Variants in ELP4 observed in about 807,000 individuals in gnomAD.
The protein encoded by ELP4 is elongator acetyltransferase complex subunit 4, also known as elongator complex protein 4.
ELP4 carries 51 observed loss-of-function variants against 48.9 expected under a neutral mutation model. The ratio of observed to expected loss-of-function variants is 1.04; its 90% CI spans 0.83 to 1.32. The LOEUF is 1.32. Ranked by LOEUF, ELP4 falls within the 40% of genes most tolerant of loss-of-function variation. The pLI is 0.00. For synonymous variants in ELP4, 210 were observed against 189.2 expected (o/e 1.11, Z -0.90); for missense variants, 519 against 514.6 (o/e 1.01, Z -0.08).
chr11:31,562,384 A>G (rs1256741663), intron 3 of ELP4, among the ~76,000 whole-genome samples: 3 of 152,194 alleles, frequency 2.0e-5, no homozygotes, highest in South Asian at 2.1e-4. Flanking sequence ...TTAATCAAGA[A>G]AAATGAAAGA....
chr11:31,543,474 C>T (rs1956628557), intron 3 of ELP4, among the ~76,000 whole-genome samples: 1 of 152,118 alleles, frequency 6.6e-6, no homozygotes, highest in Non-Finnish European at 1.5e-5. Context: ...CACCCACCAC[C>T]ATGTCCGGCT....
At chr11:31,584,279 G>T (rs922152634) in intron 3 of ELP4, among the ~76,000 whole-genome samples, 2 of 151,836 alleles carry the variant, frequency 1.3e-5, no homozygotes, top group African/African-American at 4.8e-5. Flanking sequence ...TGAGGATAGG[G>T]CTGTGGGGCA....
chr11:31,520,142 G>A lies in ELP4; in HGVS notation c.259+51G>A, dbSNP rs889136804. 7 of 1,484,110 alleles carry A rather than the reference G, an allele frequency of 4.7e-6. No homozygotes were observed. In the African/African-American group the frequency reaches 7.0e-5, roughly 15 times the overall value. 91.9% of individuals were successfully genotyped at this position (1,484,110 alleles called of 1,614,324 possible). On this transcript the variant is annotated intron_variant, in intron 2 of 9. Transcript: ENST00000640961. Reference sequence around the variant, plus strand: ...CTCCTCTATCATTGTTTTCTGTTGTGCATAATCATTTTATCCAATTCCCAT... The same window carrying A: ...CTCCTCTATCATTGTTTTCTGTTGTACATAATCATTTTATCCAATTCCCAT...
At chr11:31,662,342 A>T (rs997445482) in intron 9 of ELP4, among the ~76,000 whole-genome samples, 2 of 152,148 alleles carry the variant, frequency 1.3e-5, no homozygotes, top group African/African-American at 4.8e-5. Flanking sequence ...GCTTTTGTCC[A>T]CATAAAAGTG....
At chr11:31,737,235 G>A (rs533680802) in intron 9 of ELP4, among the ~76,000 whole-genome samples, 97 of 152,144 alleles carry the variant, frequency 6.4e-4, no homozygotes, top group African/African-American at 2.3e-3. Context: ...ACCAAACACT[G>A]CATGTTCTCA....
intron 9 of ELP4, chr11:31,763,310 G>T: frequency 9.3e-7 from 1 of 1,074,420 alleles, no homozygotes; most frequent in Non-Finnish European, 1.3e-6. Context: ...ATACACAATT[G>T]AGAAAGAAAA....
Position 31,668,675 on chromosome 11 carries a change from CGTGTGTGTGTGTGTGTGT to C in ELP4, c.1143+18483_1143+18500del, listed in dbSNP as rs367795416. On this transcript the variant is annotated intron_variant, in intron 9 of 9. Coordinates refer to ENST00000640961, the MANE Select transcript of ELP4 (RefSeq NM_019040.5). ...ATCGGAATGAAATTTCCTTTGGTACCGTGTGTGTGTGTGTGTGTGTGTGTGTGTGTGTGTGTGTGTGTG... is the reference window on the plus strand; with the variant it reads ...ATCGGAATGAAATTTCCTTTGGTACCGTGTGTGTGTGTGTGTGTGTGTGTG... 3.3e-3 allele frequency among the ~76,000 whole-genome samples: 395 copies of C among 121,116 alleles called. 4 individuals are homozygous for C. The highest frequency in any genetic ancestry group is 0.012 in the African/African-American group (374 of 32,254). 79.5% of individuals were successfully genotyped at this position (121,116 alleles called of 152,430 possible).
intron 9 of ELP4, among the ~76,000 whole-genome samples, chr11:31,668,721 TAA>T (rs1325517594): frequency 6.9e-4 from 64 of 92,594 alleles, no homozygotes; most frequent in South Asian, 4.7e-3. Context: ...TGTGTGTGTG[TAA>T]GAACCCTGTA....
intron 3 of ELP4, among the ~76,000 whole-genome samples, chr11:31,552,447 G>A (rs1348093567): frequency 6.6e-6 from 1 of 152,044 alleles, no homozygotes; most frequent in African/African-American, 2.4e-5. Flanking sequence ...GTCTATTGGA[G>A]ATCTCAAACA....
intron 7 of ELP4, chr11:31,647,337 T>C (rs1398461155): frequency 5.4e-6 from 1 of 184,016 alleles, no homozygotes; most frequent in Non-Finnish European, 1.1e-5. Flanking sequence ...TACCATCTAC[T>C]GCTTCTGAAT....
At chr11:31,758,732 T>G (rs1947882572) in intron 9 of ELP4, among the ~76,000 whole-genome samples, 1 of 150,838 alleles carries the variant, frequency 6.6e-6, no homozygotes, top group African/African-American at 2.4e-5. Flanking sequence ...AGTGGTGCAG[T>G]CACAGCTCAC....
intron 9 of ELP4, among the ~76,000 whole-genome samples, chr11:31,670,299 T>C (rs1945781915): frequency 6.6e-6 from 1 of 152,172 alleles, no homozygotes; most frequent in Non-Finnish European, 1.5e-5. Flanking sequence ...GCCAAGTTGA[T>C]AACATCTTGA....
intron 9 of ELP4, among the ~76,000 whole-genome samples, chr11:31,709,013 CTG>C (rs753840659): frequency 2.0e-5 from 3 of 152,086 alleles, no homozygotes; most frequent in Non-Finnish European, 2.9e-5. Flanking sequence ...TGAAATCTAA[CTG>C]TAATTCTATG....
intron 9 of ELP4, among the ~76,000 whole-genome samples, chr11:31,697,385 T>C (rs1946432036): frequency 6.6e-6 from 1 of 152,140 alleles, no homozygotes; most frequent in Admixed American, 6.6e-5. Flanking sequence ...TGTATTATAA[T>C]GGAAGAGGAA....
chr11:31,748,086 A>G lies in ELP4; in HGVS notation c.1144-35307A>G, dbSNP rs1947636592. ...GTAGATTACAGTTTCTTTTAGAGAT[A>G]AGCAGCTGAAGATAATTTTAGAACA... On this transcript the variant is annotated intron_variant, in intron 9 of 9. Transcript: ENST00000640961. Among the ~76,000 whole-genome samples, 3 of 152,214 alleles carry G rather than the reference A, an allele frequency of 2.0e-5. 1 individual carries two copies. The highest frequency in any genetic ancestry group is 2.0e-4 in the Admixed American group (3 of 15,284).
At chr11:31,561,593 G>A (rs1158510097) in intron 3 of ELP4, among the ~76,000 whole-genome samples, 3 of 151,952 alleles carry the variant, frequency 2.0e-5, no homozygotes, top group East Asian at 1.9e-4. Flanking sequence ...ACAGGCTCCC[G>A]CCGCCACACC....
In ELP4 at chr11:31,598,503, C is replaced by CTTTTTTTTTTTTTTTTTTTTTT. The variant is rs10702222; in HGVS notation, c.513+3603_513+3624dup. On this transcript the variant is annotated intron_variant, in intron 4 of 9. Transcript: ENST00000640961. Reference sequence around the variant, plus strand: ...TTTCCTTTTTTTTTCTTTTCTTCTTCTTTTTTTTTTTTTTTTTTTTTTGAG... The same window carrying CTTTTTTTTTTTTTTTTTTTTTT: ...TTTCCTTTTTTTTTCTTTTCTTCTTCTTTTTTTTTTTTTTTTTTTTTTTTTTTTTTTTTTTTTTTTTTTTGAG... Among the ~76,000 whole-genome samples the CTTTTTTTTTTTTTTTTTTTTTT allele has an allele frequency of 2.3e-3, 179 of 77,694 alleles. 1 individual carries two copies. Among genetic ancestry groups the CTTTTTTTTTTTTTTTTTTTTTT allele is most frequent in the East Asian group, 4.3e-3 (10 of 2,340 alleles). 51.0% of individuals were successfully genotyped at this position (77,694 alleles called of 152,430 possible).
intron 7 of ELP4, among the ~76,000 whole-genome samples, chr11:31,645,353 C>A (rs1945178829): frequency 6.6e-6 from 1 of 151,590 alleles, no homozygotes; most frequent in Non-Finnish European, 1.5e-5. Context: ...AGTTGATAAA[C>A]ATTATAGGAT....
At chr11:31,636,521 G>A (rs575750168) in intron 7 of ELP4, among the ~76,000 whole-genome samples, 1 of 151,826 alleles carries the variant, frequency 6.6e-6, no homozygotes, top group East Asian at 1.9e-4. Context: ...TTGTACTTTT[G>A]GCATGCTTCC....
Sources: allele counts gnomAD v4.1 joint callset (sites outside exome capture counted in the v4.1 genomes callset), GRCh38; gene constraint gnomAD v4.1.1; transcripts MANE v1.5; gene names NCBI Gene and HGNC (gene_info 2026-07-23, HGNC 2026-07-21).